The following SLC37A1 variants were observed in gnomAD, a reference collection of about 807,000 sequenced individuals.
SLC37A1 encodes glucose-6-phosphate exchanger SLC37A1.
SLC37A1 carries 49 observed loss-of-function variants against 75.3 expected under a neutral mutation model. The observed-to-expected ratio is 0.65, with a 90% confidence interval of 0.52 to 0.83. The LOEUF is 0.83. Among genes scored for constraint, SLC37A1 ranks in the 40% least tolerant of loss-of-function variants. The pLI is 0.00. For missense variants in SLC37A1, 566 were observed against 695.0 expected (o/e 0.81, Z 2.09); for synonymous variants, 268 against 292.1 (o/e 0.92, Z 0.84).
In SLC37A1 at chr21:42,554,058, C is replaced by A. The variant is rs753104936; in HGVS notation, c.769-4C>A. The A allele has an allele frequency of 1.3e-6, 2 of 1,594,336 alleles. No individual in the cohort carries two copies. Among genetic ancestry groups the A allele is most frequent in the South Asian group, 1.1e-5 (1 of 87,192 alleles). ...CGCTCTAATGAAACTTTTTTTTTTACCAGCACTCAAAAGGCTATGAGAATG... is the reference window on the plus strand; with the variant it reads ...CGCTCTAATGAAACTTTTTTTTTTAACAGCACTCAAAAGGCTATGAGAATG... On this transcript the variant is annotated splice_polypyrimidine_tract_variant and splice_region_variant and intron_variant, in intron 9 of 19. Transcript: ENST00000352133.
At chr21:42,546,354 A>G (rs544161348) in intron 8 of SLC37A1, among the ~76,000 whole-genome samples, 39 of 152,330 alleles carry the variant, frequency 2.6e-4, no homozygotes, top group South Asian at 1.4e-3. Flanking sequence ...CCATATCAAG[A>G]TAGATGTTTT....
intron 2 of SLC37A1, among the ~76,000 whole-genome samples, chr21:42,519,074 C>T (rs1040345834): frequency 6.6e-6 from 1 of 152,222 alleles, no homozygotes; most frequent in African/African-American, 2.4e-5. Context: ...TGGCCTCTAA[C>T]TTGTCCTGCT....
intron 12 of SLC37A1, among the ~76,000 whole-genome samples, chr21:42,562,518 A>G (rs1292875072): frequency 6.6e-6 from 1 of 152,092 alleles, no homozygotes; most frequent in Non-Finnish European, 1.5e-5. Context: ...GCCTTTGGGG[A>G]CCTGAGAAAA....
intron 3 of SLC37A1, 46 bp downstream of exon 3, chr21:42,525,903 G>A (rs750624900): frequency 1.4e-5 from 21 of 1,472,964 alleles, no homozygotes; most frequent in Non-Finnish European, 1.7e-5. Flanking sequence ...TGAGGAGTTC[G>A]TCACTTGAAA....
At chr21:42,568,250 C>T in intron 16 of SLC37A1, 110 bp from the exon 17 acceptor site, 2 of 829,762 alleles carry the variant, frequency 2.4e-6, no homozygotes, top group Non-Finnish European at 4.0e-6. Context: ...GGGAAACACC[C>T]TCACGATGAG....
chr21:42,574,150 CAAG>C (rs1477583642), intron 17 of SLC37A1, among the ~76,000 whole-genome samples: 3 of 152,182 alleles, frequency 2.0e-5, no homozygotes, highest in Non-Finnish European at 2.9e-5. Context: ...TTCCTAAAAA[CAAG>C]GAGTTCCATG....
intron 5 of SLC37A1, among the ~76,000 whole-genome samples, chr21:42,538,424 T>C (rs1041937777): frequency 2.0e-5 from 3 of 152,190 alleles, no homozygotes; most frequent in Admixed American, 2.0e-4. Context: ...AAAATCTCTC[T>C]GGCGTAGGTT....
At chr21:42,579,330 G>A (rs1355572587) in intron 18 of SLC37A1, among the ~76,000 whole-genome samples, 2 of 152,214 alleles carry the variant, frequency 1.3e-5, no homozygotes, top group African/African-American at 2.4e-5. Flanking sequence ...AAGCTCGCAG[G>A]TCCACCCACT....
chr21:42,537,166 T>A (rs2055162366), intron 5 of SLC37A1, among the ~76,000 whole-genome samples: 1 of 152,142 alleles, frequency 6.6e-6, no homozygotes, highest in South Asian at 2.1e-4. Flanking sequence ...AGTGCATAGC[T>A]CTCCCTTTAT....
intron 9 of SLC37A1, among the ~76,000 whole-genome samples, chr21:42,553,612 G>A (rs1263210589): frequency 6.6e-6 from 1 of 151,768 alleles, no homozygotes; most frequent in Non-Finnish European, 1.5e-5. Context: ...CCCTCTAGCA[G>A]CAGGTCCACA....
rs184845878 is a variant in SLC37A1, at chr21:42,558,499, C to T, written c.850-459C>T. Among the ~76,000 whole-genome samples the T allele has an allele frequency of 2.9e-3, 445 of 152,240 alleles. 8 individuals carry two copies. Among genetic ancestry groups the T allele is most frequent in the Middle Eastern group, 0.024 (7 of 294 alleles). On this transcript the variant is annotated intron_variant, in intron 10 of 19. Transcript: ENST00000352133. Reference sequence around the variant, plus strand: ...GATCCTATAGTTGCCTAGTTACATACGTAGATATTTAAACATTCTTTGAGG... The same window carrying T: ...GATCCTATAGTTGCCTAGTTACATATGTAGATATTTAAACATTCTTTGAGG...
chr21:42,503,099 A>G (rs1018039503), intron 2 of SLC37A1: 9 of 152,210 alleles, frequency 5.9e-5, no homozygotes, highest in African/African-American at 2.2e-4. Flanking sequence ...ATGTCAAAAA[A>G]AATTTCCAAA....
rs534195514 is a variant in SLC37A1 at position 42,535,207 on chromosome 21, G to T, written c.272-265G>T. On this transcript the variant is annotated intron_variant, in intron 4 of 19. Transcript: ENST00000352133. ...AAAAGAAAAGGCATCAATCAAATGT[G>T]CAGCCACCATGCACAATGGGGATTT... Among the ~76,000 whole-genome samples, 32 of 152,358 alleles carry T rather than the reference G, an allele frequency of 2.1e-4. 1 individual carries two copies. The highest frequency in any genetic ancestry group is 7.5e-4 in the African/African-American group (31 of 41,592).
At position 42,514,096 on chromosome 21, in the gene SLC37A1, C is replaced by CT. The variant is rs1052035794; in HGVS notation, c.-792dup. 2.0e-5 allele frequency: 3 copies of CT among 150,582 alleles called. No homozygotes were observed. Among genetic ancestry groups the CT allele is most frequent in the Non-Finnish European group, 4.4e-5 (3 of 67,474 alleles). The allele number at this position is 150,582 out of a possible 1,614,324, so 9.3% of individuals were successfully genotyped here. ...GAGCTCGGCTCCTCTCCTTCCTTTT[C>CT]TTTTTTTTCGGGGGGAGGTGGGGGC... On this transcript the variant is annotated 5_prime_UTR_variant, in exon 1 of 20. Coordinates refer to ENST00000352133, the MANE Select transcript of SLC37A1 (RefSeq NM_001320537.2). This position sits in a 1 kb window ranked among gnomAD's most constrained non-coding sequence, Gnocchi z 4.8.
chr21:42,502,013 C>T (rs1303474854), intron 1 of SLC37A1, among the ~76,000 whole-genome samples: 1 of 152,180 alleles, frequency 6.6e-6, no homozygotes, highest in Non-Finnish European at 1.5e-5. Flanking sequence ...CCCTACCCAA[C>T]TTACAGGAAG....
In SLC37A1 at chr21:42,551,296, G is replaced by A. The variant is rs77837379; in HGVS notation, c.769-2766G>A. On this transcript the variant is annotated intron_variant, in intron 9 of 19. Transcript: ENST00000352133. Reference sequence around the variant, plus strand: ...ACAATCCAAAGATGAAATTAAGGCCGTTTCATTTACAATAGCATCAAAAAA... The same window carrying A: ...ACAATCCAAAGATGAAATTAAGGCCATTTCATTTACAATAGCATCAAAAAA... Among the ~76,000 whole-genome samples, 106 of 152,244 alleles carry A rather than the reference G, an allele frequency of 7.0e-4. 1 individual carries two copies. The East Asian group carries it at 0.015, about 21-fold the overall frequency.
chr21:42,553,072 G>T (rs1011765058), intron 9 of SLC37A1, among the ~76,000 whole-genome samples: 1 of 152,178 alleles, frequency 6.6e-6, no homozygotes, highest in African/African-American at 2.4e-5. Context: ...AATGTAAAGG[G>T]TGGGATCCAA....
chr21:42,512,230 GA>G (rs1172948813), upstream of SLC37A1, among the ~76,000 whole-genome samples: 45 of 107,366 alleles, frequency 4.2e-4, no homozygotes, highest in African/African-American at 1.5e-3. Flanking sequence ...GGGTGGGGGG[GA>G]GGGGGGGTGG....
At chr21:42,502,897 T>A (rs934778813) in intron 2 of SLC37A1, 4 of 152,166 alleles carry the variant, frequency 2.6e-5, no homozygotes, top group African/African-American at 9.7e-5. Flanking sequence ...TGAGTACTTT[T>A]AGAAAATTGG....
Sources: allele counts gnomAD v4.1 joint callset (sites outside exome capture counted in the v4.1 genomes callset), GRCh38; gene constraint gnomAD v4.1.1; non-coding constraint Gnocchi (gnomAD v3.1); transcripts MANE v1.5; gene names NCBI Gene and HGNC (gene_info 2026-07-23, HGNC 2026-07-21).